Variants in RUNX1T1 observed in about 807,000 individuals in gnomAD.
RUNX1T1 encodes the protein protein CBFA2T1.
RUNX1T1 carries 4 observed loss-of-function variants against 62.8 expected under a neutral mutation model. That is an observed-to-expected ratio of 0.06 (90% CI 0.03 to 0.15). The LOEUF (loss-of-function observed/expected upper bound fraction) is 0.15. Ranked by LOEUF, RUNX1T1 falls within the 10% of genes least tolerant of loss-of-function variation. The pLI is 1.00. For missense variants in RUNX1T1, 508 were observed against 754.3 expected (o/e 0.67, Z 3.82); for synonymous variants, 291 against 286.0 (o/e 1.02, Z -0.18).
chr8:92,014,846 A>T, intron 2 of RUNX1T1, 26 bp from the exon 4 acceptor site: 1 of 1,578,260 alleles, frequency 6.3e-7, no homozygotes, highest in South Asian at 1.2e-5. Context: ...AATCAGAAGG[A>T]AGTCATAAAC....
chr8:91,994,693 C>T, intron 5 of RUNX1T1: 1 of 444,848 alleles, frequency 2.2e-6, no homozygotes, highest in Non-Finnish European at 4.5e-6. Flanking sequence ...TGAAGGTAGG[C>T]AATGAAGAAC....
At chr8:91,977,474 AC>A (rs1448243081) in intron 8 of RUNX1T1, 5 of 192,594 alleles carry the variant, frequency 2.6e-5, no homozygotes. Flanking sequence ...TGCATAAACA[AC>A]CTAAAAGGAA....
At chr8:92,065,851 T>G (rs1397399877), upstream of RUNX1T1, among the ~76,000 whole-genome samples, 1 of 152,196 alleles carries the variant, frequency 6.6e-6, no homozygotes, top group African/African-American at 2.4e-5. Context: ...TGATACACTG[T>G]GACTTCACAC....
At position 92,022,676 on chromosome 8, in the gene RUNX1T1, T is replaced by A. The variant is rs1824347685; in HGVS notation, c.8-5313A>T. On this transcript the variant is annotated intron_variant, in intron 1 of 10. Coordinates refer to ENST00000396218, the Ensembl canonical transcript of RUNX1T1. ...AACCTGTCAGTACCTTGATTTTGCA[T>A]TTCCCAGCCTCCAGAAGTATGAGAA... is the stretch of plus-strand genomic sequence containing the variant. Among the ~76,000 whole-genome samples the A allele has an allele frequency of 2.0e-5, 3 of 152,310 alleles. No homozygotes were observed. In the South Asian group the frequency reaches 6.2e-4, roughly 32 times the overall value.
intron 1 of RUNX1T1, among the ~76,000 whole-genome samples, chr8:92,091,134 G>T (rs930731787): frequency 3.3e-5 from 5 of 152,102 alleles, no homozygotes; most frequent in African/African-American, 1.2e-4. Flanking sequence ...GAGACACAAC[G>T]GGAAAACTTC....
chr8:91,970,307 A>G (rs1018034584), intron 10 of RUNX1T1, among the ~76,000 whole-genome samples: 13 of 152,186 alleles, frequency 8.5e-5, no homozygotes, highest in African/African-American at 3.1e-4. Flanking sequence ...CACAGTATCT[A>G]TTAAATCCCT....
chr8:91,983,414 T>C (rs1815863806), intron 8 of RUNX1T1, among the ~76,000 whole-genome samples: 1 of 152,138 alleles, frequency 6.6e-6, no homozygotes, highest in South Asian at 2.1e-4. Context: ...AATTTTAAAA[T>C]GCTAAGAATG....
At chr8:91,969,481 T>C (rs1312027750) in intron 10 of RUNX1T1, among the ~76,000 whole-genome samples, 1 of 94,708 alleles carries the variant, frequency 1.1e-5, no homozygotes, top group Non-Finnish European at 2.1e-5. Flanking sequence ...GCTAATAATG[T>C]TTTTAAAATA....
intron 1 of RUNX1T1, among the ~76,000 whole-genome samples, chr8:92,048,855 A>C (rs1829812394): frequency 6.6e-6 from 1 of 152,228 alleles, no homozygotes; most frequent in Non-Finnish European, 1.5e-5. Flanking sequence ...GGTATTATAC[A>C]AGATAATGGT....
chr8:92,011,242 T>G (rs774256193), intron 3 of RUNX1T1, 151 bp from the exon 5 acceptor site: 2 of 587,176 alleles, frequency 3.4e-6, no homozygotes, highest in Non-Finnish European at 3.0e-6. Flanking sequence ...CCTATTGACT[T>G]TGTAAAAATG....
At chr8:91,968,871 A>G (rs571511028) in intron 10 of RUNX1T1, among the ~76,000 whole-genome samples, 3 of 152,306 alleles carry the variant, frequency 2.0e-5, no homozygotes, top group African/African-American at 7.2e-5. Context: ...ACTCTTCTTC[A>G]GATCATGATA....
At chr8:92,085,849 G>A (rs759576848) in intron 1 of RUNX1T1, among the ~76,000 whole-genome samples, 2 of 151,942 alleles carry the variant, frequency 1.3e-5, no homozygotes, top group African/African-American at 2.4e-5. Flanking sequence ...AAGGATTGAC[G>A]GCTCTTTAAC....
At chr8:92,033,105 T>C (rs1413073827) in intron 1 of RUNX1T1, among the ~76,000 whole-genome samples, 1 of 152,178 alleles carries the variant, frequency 6.6e-6, no homozygotes, top group Non-Finnish European at 1.5e-5. Flanking sequence ...ACATATCCTT[T>C]AATACACAAA....
chr8:91,998,628 C>T (rs569540536), intron 5 of RUNX1T1, among the ~76,000 whole-genome samples: 20 of 152,194 alleles, frequency 1.3e-4, no homozygotes, highest in East Asian at 1.9e-4. Context: ...GGAATGCTTC[C>T]GTCACGTGTC....
At chr8:91,969,571 A>C (rs61003149) in intron 10 of RUNX1T1, among the ~76,000 whole-genome samples, 6,442 of 152,230 alleles carry the variant, frequency 0.042, 453 homozygotes, top group African/African-American at 0.15. Context: ...AACAATGGAA[A>C]AGTCAGCAGT....
chr8:92,013,702 C>CA (rs1386988790), intron 3 of RUNX1T1, among the ~76,000 whole-genome samples: 3 of 151,828 alleles, frequency 2.0e-5, no homozygotes, highest in Non-Finnish European at 2.9e-5. Flanking sequence ...ACTTAGAACG[C>CA]AAAAAAAGAT....
At chr8:92,054,102 A>C (rs1830639961) in intron 1 of RUNX1T1, among the ~76,000 whole-genome samples, 2 of 151,754 alleles carry the variant, frequency 1.3e-5, no homozygotes, top group African/African-American at 4.8e-5. Flanking sequence ...CCACAAATTA[A>C]AAGTGCCACT....
chr8:92,026,614 G>T (rs1825197393), intron 1 of RUNX1T1, among the ~76,000 whole-genome samples: 1 of 152,088 alleles, frequency 6.6e-6, no homozygotes, highest in African/African-American at 2.4e-5. Context: ...GAGGTCAGGA[G>T]ATTGAGACCA....
intron 8 of RUNX1T1, among the ~76,000 whole-genome samples, chr8:91,978,988 GAC>G (rs1329890326): frequency 1.3e-5 from 2 of 152,190 alleles, no homozygotes; most frequent in South Asian, 2.1e-4. Context: ...CCTTCTAAAA[GAC>G]AGTTTTTCAA....
Sources: allele counts gnomAD v4.1 joint callset (sites outside exome capture counted in the v4.1 genomes callset), GRCh38; gene constraint gnomAD v4.1.1; transcripts MANE v1.5; gene names NCBI Gene and HGNC (gene_info 2026-07-23, HGNC 2026-07-21).